Variants in CD8B observed in about 807,000 individuals in gnomAD.
CD8B encodes CD8 subunit beta, also known as T-cell surface glycoprotein CD8 beta chain.
A neutral mutation model predicts 24.2 loss-of-function variants in CD8B; 6 were observed. The observed-to-expected ratio is 0.25, with a 90% CI of 0.14 to 0.49. CD8B has a LOEUF of 0.49. Ranked by LOEUF, CD8B falls within the 20% of genes least tolerant of loss-of-function variation. The pLI, the probability that CD8B is intolerant of heterozygous loss-of-function variation, is 0.98. For missense variants in CD8B, 196 were observed against 271.3 expected (o/e 0.72, Z 1.95); for synonymous variants, 84 against 108.3 (o/e 0.78, Z 1.39).
intron 5 of CD8B, among the ~76,000 whole-genome samples, chr2:86,832,497 A>G (rs997241797): frequency 1.2e-4 from 18 of 151,940 alleles, no homozygotes; most frequent in Non-Finnish European, 1.9e-4. Context: ...AAAAAAAAAA[A>G]AGAGATATCA....
downstream of CD8B, among the ~76,000 whole-genome samples, chr2:86,834,927 C>T (rs1301015233): frequency 8.2e-6 from 1 of 121,756 alleles, no homozygotes; most frequent in Non-Finnish European, 1.7e-5. Flanking sequence ...CAGAGCAAAA[C>T]TCTGTCTCAA....
intron 2 of CD8B, among the ~76,000 whole-genome samples, chr2:86,856,597 T>G (rs1049313805): frequency 2.0e-5 from 3 of 151,850 alleles, no homozygotes; most frequent in African/African-American, 7.3e-5. Context: ...TGGGTCCCCT[T>G]GTGGCTTTTA....
At chr2:86,844,870 A>G (rs746268761) in intron 5 of CD8B, 52 bp downstream of exon 5, 20 of 1,555,334 alleles carry the variant, frequency 1.3e-5, no homozygotes, top group Non-Finnish European at 1.7e-5. Context: ...AGAGGCTGCA[A>G]GCTGCAGCAG....
At chr2:86,828,452 T>G (rs986616614) in intron 5 of CD8B, among the ~76,000 whole-genome samples, 1 of 152,202 alleles carries the variant, frequency 6.6e-6, no homozygotes, top group Admixed American at 6.5e-5. Context: ...GATGATGATT[T>G]GTTTCCCCTT....
intron 5 of CD8B, among the ~76,000 whole-genome samples, chr2:86,827,067 C>T (rs558307075): frequency 2.0e-5 from 3 of 152,142 alleles, no homozygotes; most frequent in East Asian, 3.9e-4. Flanking sequence ...GTGATCCACT[C>T]GCCTCGGCCT....
At chr2:86,828,155 C>T (rs577767122) in intron 5 of CD8B, among the ~76,000 whole-genome samples, 17 of 152,192 alleles carry the variant, frequency 1.1e-4, no homozygotes, top group South Asian at 4.2e-4. Context: ...CAGTACCAAA[C>T]GCTTAATAAC....
chr2:86,849,315 T>C (rs2104559563), intron 3 of CD8B, among the ~76,000 whole-genome samples: 1 of 151,910 alleles, frequency 6.6e-6, no homozygotes, highest in East Asian at 2.0e-4. Flanking sequence ...ACAGGGAGGC[T>C]GGATGAGGGG....
chr2:86,858,799 T>C (rs1676422643), intron 1 of CD8B, among the ~76,000 whole-genome samples: 1 of 150,862 alleles, frequency 6.6e-6, no homozygotes, highest in Admixed American at 6.6e-5. Context: ...GAGTGGCTAC[T>C]CACAGGCACT....
downstream of CD8B, among the ~76,000 whole-genome samples, chr2:86,836,563 A>G (rs1374510160): frequency 2.6e-5 from 4 of 152,182 alleles, no homozygotes; most frequent in African/African-American, 9.7e-5. Context: ...AGGTGGGAGG[A>G]TCGCTTGAGC....
intron 5 of CD8B, chr2:86,822,490 T>C: frequency 1.6e-6 from 1 of 624,806 alleles, no homozygotes; most frequent in Non-Finnish European, 2.8e-6. Context: ...TTTTAGGCAT[T>C]AACATGATGA....
In CD8B at chr2:86,858,085, G is replaced by T; in HGVS notation, c.375C>A (p.Thr125=). The T allele has an allele frequency of 6.2e-7, 1 of 1,613,960 alleles. No homozygotes were observed. The highest frequency in any genetic ancestry group is 8.5e-7 in the Non-Finnish European group (1 of 1,179,826). The change falls in exon 2 of 6, where the codon ACC becomes ACA. Residue 125 remains threonine (T), a synonymous_variant. Transcript: ENST00000390655. ...CACTCAGCTGAGTTCCCTTCCCGAA[G>T]GTCAGCTCGGGGCTCCCGACGATCA... The part of the protein sequence containing the change: ...FCMIVGSPEL[T]FGKGTQLSVV...
downstream of CD8B, among the ~76,000 whole-genome samples, chr2:86,833,461 G>A (rs1675008889): frequency 7.8e-6 from 1 of 128,582 alleles, no homozygotes; most frequent in African/African-American, 2.8e-5. Flanking sequence ...TTACAGGTGT[G>A]AGGCACCGCA....
chr2:86,848,670 T>C (rs1351560389), intron 3 of CD8B, among the ~76,000 whole-genome samples: 1 of 123,196 alleles, frequency 8.1e-6, no homozygotes, highest in Non-Finnish European at 1.8e-5. Flanking sequence ...AACTCCCATC[T>C]TGTGAGGAAG....
At position 86,841,847 on chromosome 2, in the gene CD8B, C is replaced by A; in HGVS notation, c.*460G>T. 1.0e-6 allele frequency: 1 copy of A among 986,390 alleles called. No individual in the cohort carries two copies. 61.1% of individuals were successfully genotyped at this position (986,390 alleles called of 1,614,324 possible). A position where few individuals can be genotyped will look rare whatever the true frequency, so the allele number is the denominator to read the frequency against. On this transcript the variant is annotated 3_prime_UTR_variant, in exon 6 of 6. Transcript: ENST00000390655. ...AGCCTCATTCCCAACCTGCACCTGG[C>A]CTCTCTGCGAGGAAGGTCAGCCCCA... is the stretch of plus-strand genomic sequence containing the variant.
intron 5 of CD8B, among the ~76,000 whole-genome samples, chr2:86,822,083 C>G (rs1674501742): frequency 6.6e-6 from 1 of 152,146 alleles, no homozygotes; most frequent in African/African-American, 2.4e-5. Context: ...CAGAGATGAA[C>G]CAGGGACTGT....
intron 1 of CD8B, among the ~76,000 whole-genome samples, chr2:86,860,794 G>A (rs1676541714): frequency 6.6e-6 from 1 of 152,190 alleles, no homozygotes; most frequent in African/African-American, 2.4e-5. Flanking sequence ...AGCAAGGCCT[G>A]GGCTGTGAGT....
chr2:86,832,733 G>A (rs940288897), intron 5 of CD8B, among the ~76,000 whole-genome samples: 5 of 151,962 alleles, frequency 3.3e-5, no homozygotes, highest in African/African-American at 1.2e-4. Context: ...ATTAGACAAT[G>A]CAAGGATAAA....
intron 1 of CD8B, among the ~76,000 whole-genome samples, chr2:86,861,213 CAGA>C (rs1676568395): frequency 6.6e-6 from 1 of 152,054 alleles, no homozygotes; most frequent in Non-Finnish European, 1.5e-5. Flanking sequence ...TGGGCTTATT[CAGA>C]AGGACAATCC....
chr2:86,816,422 C>T (rs1424990736), intron 5 of CD8B, among the ~76,000 whole-genome samples: 1 of 152,164 alleles, frequency 6.6e-6, no homozygotes, highest in Non-Finnish European at 1.5e-5. Flanking sequence ...TGCTCACAAG[C>T]TGATTATCAA....
Sources: allele counts gnomAD v4.1 joint callset (sites outside exome capture counted in the v4.1 genomes callset), GRCh38; gene constraint gnomAD v4.1.1; transcripts MANE v1.5; gene names NCBI Gene and HGNC (gene_info 2026-07-23, HGNC 2026-07-21).